Variants in FAM3D observed in about 807,000 individuals in gnomAD.
FAM3D encodes the protein FAM3 metabolism regulating signaling molecule D, also known as protein FAM3D.
A neutral mutation model predicts 29.8 loss-of-function variants in FAM3D; 26 were observed. That is an observed-to-expected ratio of 0.87 (90% CI 0.64 to 1.21). The LOEUF is 1.21. Ranked by LOEUF, FAM3D falls within the 50% of genes most tolerant of loss-of-function variation. The pLI is 0.00. For synonymous variants in FAM3D, 115 were observed against 102.3 expected (o/e 1.12, Z -0.75); for missense variants, 253 against 290.9 (o/e 0.87, Z 0.95).
At chr3:58,643,591 T>A in intron 6 of FAM3D, 71 bp downstream of exon 6, 1 of 1,500,362 alleles carries the variant, frequency 6.7e-7, no homozygotes, top group Non-Finnish European at 9.3e-7. Flanking sequence ...GTTGGTTGAA[T>A]GAATATGCCG....
At chr3:58,662,017 G>A (rs1355101300) in intron 1 of FAM3D, among the ~76,000 whole-genome samples, 1 of 152,222 alleles carries the variant, frequency 6.6e-6, no homozygotes, top group African/African-American at 2.4e-5. Flanking sequence ...AGGGGATGGG[G>A]GAAATCTCAG....
At chr3:58,656,466 C>G (rs2066803535) in intron 1 of FAM3D, among the ~76,000 whole-genome samples, 3 of 152,118 alleles carry the variant, frequency 2.0e-5, no homozygotes, top group Admixed American at 6.6e-5. Flanking sequence ...AGTTTTCTCC[C>G]TTATTCAGTT....
chr3:58,663,647 C>G (rs569333798), intron 1 of FAM3D, among the ~76,000 whole-genome samples: 3 of 152,302 alleles, frequency 2.0e-5, no homozygotes, highest in African/African-American at 7.2e-5. Context: ...CCTAAAGAAT[C>G]GGGCCAACTC....
intron 3 of FAM3D, 41 bp downstream of exon 3, chr3:58,653,633 C>G: frequency 6.4e-7 from 1 of 1,572,012 alleles, no homozygotes; most frequent in South Asian, 1.1e-5. Flanking sequence ...GCCCCCAGGC[C>G]TGGTCTGCAG....
intron 1 of FAM3D, among the ~76,000 whole-genome samples, chr3:58,666,116 G>T (rs1011963179): frequency 2.0e-5 from 3 of 152,104 alleles, no homozygotes; most frequent in African/African-American, 4.8e-5. Context: ...TCAAATATTT[G>T]TGTGGCTCAC....
Position 58,634,296 on chromosome 3 carries a change from G to A in FAM3D, c.658C>T (p.Pro220Ser), listed in dbSNP as rs867222900. ...CAGCCACCCTAAAATGGCTTCGGGG[G>A]CATGCAGCCCTCCATCTCCAGCAGC... ...PELLEMEGCMPPKPF is the reference protein window; with the variant it reads ...PELLEMEGCMSPKPF The change falls in exon 10 of 10, where the codon CCC becomes TCC. Residue 220 changes from proline to serine, a missense_variant. Coordinates refer to ENST00000358781, the MANE Select transcript of FAM3D (RefSeq NM_138805.3). This position sits in a 1 kb window ranked among gnomAD's most constrained non-coding sequence, Gnocchi z 4.6. 2 of 1,613,872 alleles carry A rather than the reference G, an allele frequency of 1.2e-6. No individual in the cohort carries two copies. Among genetic ancestry groups the A allele is most frequent in the Non-Finnish European group, 1.7e-6 (2 of 1,180,006 alleles).
Position 58,634,411 on chromosome 3 carries a change from C to T in FAM3D, c.586-43G>A, listed in dbSNP as rs1192892930. 1 of 1,557,456 alleles carries T rather than the reference C, an allele frequency of 6.4e-7. No homozygotes were observed. The highest frequency in any genetic ancestry group is 1.7e-5 in the Admixed American group (1 of 59,634). ...AGAGAAATATAGGCAGTGAGTGAGG[C>T]TGTTCAGAACTCATGCCCACATGGA... On this transcript the variant is annotated intron_variant, in intron 9 of 9. Transcript: ENST00000358781. This position sits in a 1 kb window ranked among gnomAD's most constrained non-coding sequence, Gnocchi z 4.6.
At chr3:58,663,754 C>A (rs571557732) in intron 1 of FAM3D, among the ~76,000 whole-genome samples, 1 of 152,302 alleles carries the variant, frequency 6.6e-6, no homozygotes, top group East Asian at 1.9e-4. Flanking sequence ...GAACATTCCT[C>A]CAACACAGAA....
chr3:58,646,189 C>A (rs1373862707), intron 4 of FAM3D, among the ~76,000 whole-genome samples: 1 of 152,224 alleles, frequency 6.6e-6, no homozygotes, highest in Non-Finnish European at 1.5e-5. Context: ...ATTGGCTATT[C>A]TTCTCATCAT....
rs188376216 is a variant in FAM3D, at chr3:58,644,893, C to A, written c.263+616G>T. ...TGGTCCTGAAGCCTGCCTACCACCC[C>A]TGGTCTTTTAGGTATTTGAACCCAT... On this transcript the variant is annotated intron_variant, in intron 5 of 9. Transcript: ENST00000358781. Among the ~76,000 whole-genome samples the A allele has an allele frequency of 5.3e-5, 8 of 152,370 alleles. No homozygotes were observed. In the East Asian group the frequency reaches 1.2e-3, roughly 22 times the overall value.
At chr3:58,649,359 G>C in intron 3 of FAM3D, 21 bp from the exon 4 acceptor site, 10 of 1,613,986 alleles carry the variant, frequency 6.2e-6, no homozygotes, top group Non-Finnish European at 7.6e-6. Flanking sequence ...GACAGAATCT[G>C]GTTAGAGGAA....
chr3:58,636,241 C>T (rs2066166991), intron 9 of FAM3D, 53 bp downstream of exon 9: 15 of 1,583,248 alleles, frequency 9.5e-6, no homozygotes, highest in Non-Finnish European at 1.3e-5. Context: ...TTCCTACCAC[C>T]ACCCAGCTCC....
chr3:58,661,519 C>G (rs2066929261), intron 1 of FAM3D, among the ~76,000 whole-genome samples: 1 of 152,284 alleles, frequency 6.6e-6, no homozygotes, highest in South Asian at 2.1e-4. Flanking sequence ...TACCTGGCAC[C>G]CAGGTCACCC....
chr3:58,638,404 CA>C (rs2066236266), intron 7 of FAM3D, among the ~76,000 whole-genome samples: 1 of 152,158 alleles, frequency 6.6e-6, no homozygotes, highest in Non-Finnish European at 1.5e-5. Flanking sequence ...GTGGCTAAAG[CA>C]GAGACTATAT....
intron 1 of FAM3D, among the ~76,000 whole-genome samples, chr3:58,656,062 T>C (rs1027605669): frequency 4.7e-5 from 7 of 149,562 alleles, no homozygotes; most frequent in African/African-American, 1.7e-4. Context: ...CTTTCAGCTG[T>C]CTATTTAGCC....
In FAM3D at chr3:58,645,623, ACCT is replaced by A. The variant is rs755636267; in HGVS notation, c.146_148del (p.Gln49_Val50delinsLeu). 9.9e-6 allele frequency: 16 copies of A among 1,613,864 alleles called. No individual in the cohort carries two copies. In the Admixed American group the frequency reaches 2.2e-4, roughly 22 times the overall value. On this transcript the variant is annotated inframe_deletion and splice_region_variant, in exon 5 of 10. Coordinates refer to ENST00000358781, the MANE Select transcript of FAM3D (RefSeq NM_138805.3). The stretch of plus-strand genomic sequence containing the variant: ...GATGAGGCCACACTTGTACTTTTTA[ACCT>A]CTGGGGAGGAAAGAGACCAGCCTTG...
rs374860252 is a variant in FAM3D, at chr3:58,636,284, C to T, written c.585+10G>A. 13 of 1,613,012 alleles carry T rather than the reference C, an allele frequency of 8.1e-6. 1 individual carries two copies. In the African/African-American group the frequency reaches 1.6e-4, roughly 20 times the overall value. Reference sequence around the variant, plus strand: ...TCCTTCATAGGGCCGGGTTGTGGCCCAGAACCCACCTGCTCAAAGGGGCTT... The same window carrying T: ...TCCTTCATAGGGCCGGGTTGTGGCCTAGAACCCACCTGCTCAAAGGGGCTT... On this transcript the variant is annotated intron_variant, in intron 9 of 9. Transcript: ENST00000358781.
In FAM3D at chr3:58,636,431, C is replaced by T. The variant is rs1390489683; in HGVS notation, c.459-11G>A. On this transcript the variant is annotated splice_polypyrimidine_tract_variant and intron_variant, in intron 8 of 9. Coordinates refer to ENST00000358781, the MANE Select transcript of FAM3D (RefSeq NM_138805.3). Reference sequence around the variant, plus strand: ...CTTTCATCGTTCATTCTGCAGAGGACCAGAGAGGATGGTCAGGATGCGGGG... The same window carrying T: ...CTTTCATCGTTCATTCTGCAGAGGATCAGAGAGGATGGTCAGGATGCGGGG... The T allele has an allele frequency of 6.2e-7, 1 of 1,613,778 alleles. No homozygotes were observed. The highest frequency in any genetic ancestry group is 8.5e-7 in the Non-Finnish European group (1 of 1,179,830).
Position 58,649,678 on chromosome 3 carries a change from G to A in FAM3D, c.122-340C>T, listed in dbSNP as rs899998022. Among the ~76,000 whole-genome samples, 14 of 152,032 alleles carry A rather than the reference G, an allele frequency of 9.2e-5. No homozygotes were observed. The East Asian group carries it at 9.6e-4, about 10-fold the overall frequency. ...TGCACACACAGACGTGTACACACAC[G>A]CAGACATACACATGTGTGTGCATAT... On this transcript the variant is annotated intron_variant, in intron 3 of 9. Transcript: ENST00000358781.
Sources: gnomAD v4.1 joint callset for allele counts (sites outside exome capture counted in the v4.1 genomes callset) on GRCh38, gnomAD v4.1.1 for gene constraint, Gnocchi (gnomAD v3.1) non-coding constraint, MANE v1.5 for transcripts, NCBI Gene and HGNC (gene_info 2026-07-23, HGNC 2026-07-21) for gene names.